The following SYT16 variants were observed in gnomAD, a reference collection of about 807,000 sequenced individuals.
SYT16 encodes the protein synaptotagmin-16.
In SYT16, 42 loss-of-function variants were observed where a neutral mutation model predicts 61.4. The ratio of observed to expected loss-of-function variants is 0.68; its 90% confidence interval spans 0.53 to 0.89. The LOEUF is 0.89. Ranked by LOEUF, SYT16 falls within the 40% of genes least tolerant of loss-of-function variation. The probability of loss-of-function intolerance (pLI) is 0.00; values close to 1 mark genes in which losing one functional copy is unlikely to be tolerated. For missense variants in SYT16, 804 were observed against 807.3 expected, an observed-to-expected ratio of 1.00 and a Z score of 0.05; for synonymous variants, 314 against 302.3, an observed-to-expected ratio of 1.04 and a Z score of -0.40.
chr14:62,091,834 C>A (rs1271399219), intron 7 of SYT16, among the ~76,000 whole-genome samples: 1 of 151,990 alleles, frequency 6.6e-6, no homozygotes, highest in Non-Finnish European at 1.5e-5. Context: ...GCATAGGCAA[C>A]AAAATTAAAA....
At chr14:61,902,759 C>T (rs1050055977) in intron 1 of SYT16, among the ~76,000 whole-genome samples, 1 of 152,170 alleles carries the variant, frequency 6.6e-6, no homozygotes. Flanking sequence ...GAGGCCTCAC[C>T]ATCATGGCAG....
intron 1 of SYT16, among the ~76,000 whole-genome samples, chr14:61,877,907 G>A (rs1333907110): frequency 1.3e-5 from 2 of 152,178 alleles, no homozygotes; most frequent in African/African-American, 4.8e-5. Context: ...CTTAATCCCT[G>A]GGTGTTTCTG....
At chr14:61,832,727 C>T (rs1002972569) in intron 1 of SYT16, among the ~76,000 whole-genome samples, 26 of 152,146 alleles carry the variant, frequency 1.7e-4, no homozygotes, top group African/African-American at 6.3e-4. Context: ...CGTGAGCCAC[C>T]GTGCCCGGCC....
chr14:62,067,104 A>G (rs1467253971), intron 3 of SYT16, among the ~76,000 whole-genome samples: 1 of 150,592 alleles, frequency 6.6e-6, no homozygotes, highest in Non-Finnish European at 1.5e-5. Flanking sequence ...GTGTGTGTGC[A>G]TGTGTGTGTG....
chr14:61,883,607 A>G (rs1179421297), intron 1 of SYT16, among the ~76,000 whole-genome samples: 12 of 152,142 alleles, frequency 7.9e-5, no homozygotes. Context: ...TTTTTCTGTC[A>G]TCTGAGCCCT....
chr14:61,853,369 A>G (rs1215447446), intron 1 of SYT16, among the ~76,000 whole-genome samples: 1 of 152,210 alleles, frequency 6.6e-6, no homozygotes, highest in Non-Finnish European at 1.5e-5. Context: ...TGCAATGAGA[A>G]ACCTACTGTT....
At chr14:61,911,432 T>C (rs2140381893) in intron 1 of SYT16, among the ~76,000 whole-genome samples, 1 of 152,326 alleles carries the variant, frequency 6.6e-6, no homozygotes, top group East Asian at 1.9e-4. Flanking sequence ...ACATCAGAGT[T>C]GGAAAAGCAG....
rs777655325 is a variant in SYT16 at position 61,996,532 on chromosome 14, A to G, written c.513A>G (p.Gly171=). Reference sequence around the variant, plus strand: ...CTGGTACTTTAGAAACTGTTAATGGAAAAAAGCAAGGTAAGCTAGCCAGTC... The same window carrying G: ...CTGGTACTTTAGAAACTGTTAATGGGAAAAAGCAAGGTAAGCTAGCCAGTC... ...QLPGTLETVN[G]KKQVNSFGDD... is the part of the protein sequence containing the mutation. The change falls in exon 3 of 8, where the codon GGA becomes GGG. Residue 171 remains glycine (G), a synonymous_variant. Coordinates refer to ENST00000683842, the MANE Select transcript of SYT16 (RefSeq NM_001367656.1). The G allele has an allele frequency of 6.3e-7, 1 of 1,594,570 alleles. No individual in the cohort carries two copies. Among genetic ancestry groups the G allele is most frequent in the Non-Finnish European group, 8.5e-7 (1 of 1,169,890 alleles).
chr14:61,985,098 T>C (rs1466906114), intron 2 of SYT16, among the ~76,000 whole-genome samples: 1 of 152,110 alleles, frequency 6.6e-6, no homozygotes, highest in African/African-American at 2.4e-5. Context: ...ATTGAGAATG[T>C]CATATTATTA....
intron 2 of SYT16, among the ~76,000 whole-genome samples, chr14:61,986,700 A>G (rs1473833479): frequency 6.6e-6 from 1 of 152,144 alleles, no homozygotes. Context: ...GAATGTGGGA[A>G]AAGTTATTGA....
In SYT16 at chr14:61,970,226, T is replaced by C. The variant is rs1442894619; in HGVS notation, c.-230T>C. ...TCTTCATCAACAAGAAGCTGTGTTT[T>C]GAAACGATAGGAGGCCTTCCTTTCC... On this transcript the variant is annotated 5_prime_UTR_variant, in exon 2 of 8. Transcript: ENST00000683842. 6.6e-6 allele frequency: 1 copy of C among 152,182 alleles called. No homozygotes were observed. Among genetic ancestry groups the C allele is most frequent in the Non-Finnish European group, 1.5e-5 (1 of 68,054 alleles). 9.4% of individuals were successfully genotyped at this position (152,182 alleles called of 1,614,324 possible). A position where few individuals can be genotyped will look rare whatever the true frequency, so the allele number is the denominator to read the frequency against.
chr14:61,915,635 C>G (rs185703837), intron 1 of SYT16, among the ~76,000 whole-genome samples: 67 of 152,188 alleles, frequency 4.4e-4, no homozygotes, highest in African/African-American at 8.7e-4. Flanking sequence ...CAACACATAC[C>G]ATGATGAGCA....
chr14:61,936,408 A>C (rs886695681), intron 1 of SYT16, among the ~76,000 whole-genome samples: 1 of 152,076 alleles, frequency 6.6e-6, no homozygotes, highest in African/African-American at 2.4e-5. Context: ...GCTGGGGGAT[A>C]GATAGGGCAG....
At chr14:61,818,451 G>T (rs144241728) in intron 1 of SYT16, among the ~76,000 whole-genome samples, 1 of 152,048 alleles carries the variant, frequency 6.6e-6, no homozygotes, top group South Asian at 2.1e-4. Context: ...AGGCCGAGGC[G>T]GGTGGATCAT....
At chr14:61,966,458 A>AT (rs2051319730) in intron 1 of SYT16, among the ~76,000 whole-genome samples, 2 of 151,998 alleles carry the variant, frequency 1.3e-5, no homozygotes, top group Admixed American at 1.3e-4. Context: ...TGAATTGCTT[A>AT]TTTTTTCTTT....
At chr14:62,075,604 T>TTAAAAA (rs1566824324) in intron 5 of SYT16, among the ~76,000 whole-genome samples, 2 of 61,380 alleles carry the variant, frequency 3.3e-5, no homozygotes, top group Non-Finnish European at 3.3e-5. Context: ...GGATGAACGG[T>TTAAAAA]AAAAAAAAAA....
rs760371697 is a variant in SYT16 at position 62,097,342 on chromosome 14, A to G, written c.1625-3052A>G. Among the ~76,000 whole-genome samples the G allele has an allele frequency of 2.0e-5, 3 of 152,180 alleles. No homozygotes were observed. In the South Asian group the frequency reaches 6.2e-4, roughly 32 times the overall value. ...AAGCTTTCTGAATCACCACCAGAAAAGAAAATATTGCTCAGCATTGTTTTG... is the reference window on the plus strand; with the variant it reads ...AAGCTTTCTGAATCACCACCAGAAAGGAAAATATTGCTCAGCATTGTTTTG... On this transcript the variant is annotated intron_variant, in intron 7 of 7. Coordinates refer to ENST00000683842, the MANE Select transcript of SYT16 (RefSeq NM_001367656.1).
At chr14:61,918,796 A>C (rs895116321) in intron 1 of SYT16, among the ~76,000 whole-genome samples, 1 of 152,098 alleles carries the variant, frequency 6.6e-6, no homozygotes, top group African/African-American at 2.4e-5. Context: ...TTCTACAATG[A>C]ATATGAATTA....
At position 61,996,653 on chromosome 14, in the gene SYT16, A is replaced by G. The variant is rs1403498267; in HGVS notation, c.523+111A>G. 8 of 1,283,890 alleles carry G rather than the reference A, an allele frequency of 6.2e-6. No homozygotes were observed. In the East Asian group the frequency reaches 7.1e-5, roughly 11 times the overall value. 79.5% of individuals were successfully genotyped at this position (1,283,890 alleles called of 1,614,324 possible). A position where few individuals can be genotyped will look rare whatever the true frequency, so the allele number is the denominator to read the frequency against. ...TGGATTTTATTTTTCTCTCTCTTAT[A>G]CCTTCCCACATACTGGCTTCTGATT... is the stretch of plus-strand genomic sequence containing the variant. On this transcript the variant is annotated intron_variant, in intron 3 of 7. Coordinates refer to ENST00000683842, the MANE Select transcript of SYT16 (RefSeq NM_001367656.1).
Sources: gnomAD v4.1 joint callset for allele counts (sites outside exome capture counted in the v4.1 genomes callset) on GRCh38, gnomAD v4.1.1 for gene constraint, MANE v1.5 for transcripts, NCBI Gene and HGNC (gene_info 2026-07-23, HGNC 2026-07-21) for gene names.